CLCA4: variants seen among roughly 807,000 people sequenced by gnomAD.
CLCA4 encodes the protein chloride channel accessory 4.
In CLCA4, 69 loss-of-function variants were observed where a neutral mutation model predicts 78.9. The observed-to-expected ratio is 0.87, with a 90% confidence interval of 0.72 to 1.07. The LOEUF (loss-of-function observed/expected upper bound fraction) is 1.07. CLCA4 is among the 50% of genes least tolerant of loss of function. The pLI is 0.00. For missense variants in CLCA4, 1,133 were observed against 1,095.8 expected, an observed-to-expected ratio of 1.03 and a Z score of -0.48; for synonymous variants, 362 against 375.8, an observed-to-expected ratio of 0.96 and a Z score of 0.42.
chr1:86,577,397 AG>A (rs1650551356), intron 11 of CLCA4, among the ~76,000 whole-genome samples: 1 of 152,106 alleles, frequency 6.6e-6, no homozygotes, highest in Non-Finnish European at 1.5e-5. Flanking sequence ...ACCTTTCCCT[AG>A]GAAGTCTGGG....
intron 1 of CLCA4, among the ~76,000 whole-genome samples, chr1:86,551,756 A>C (rs1346645523): frequency 6.6e-6 from 1 of 152,236 alleles, no homozygotes. Context: ...CTGAAGACCA[A>C]CTGGTGCCCG....
At chr1:86,549,057 G>A (rs963436026) in intron 1 of CLCA4, among the ~76,000 whole-genome samples, 1 of 152,152 alleles carries the variant, frequency 6.6e-6, no homozygotes, top group Non-Finnish European at 1.5e-5. Flanking sequence ...TCTTTTCAGA[G>A]ATATAGTTAA....
At chr1:86,572,780 G>C in intron 9 of CLCA4, 60 bp downstream of exon 9, 1 of 981,902 alleles carries the variant, frequency 1.0e-6, no homozygotes, top group Non-Finnish European at 1.7e-6. Context: ...AAAACCATTT[G>C]GTGGTTATAA....
At chr1:86,554,986 G>C (rs921852623) in intron 1 of CLCA4, among the ~76,000 whole-genome samples, 3 of 150,326 alleles carry the variant, frequency 2.0e-5, no homozygotes, top group African/African-American at 7.4e-5. Flanking sequence ...TCACTTGCTT[G>C]TTGGCCACAT....
At chr1:86,553,512 C>T (rs886501114) in intron 1 of CLCA4, among the ~76,000 whole-genome samples, 14 of 152,156 alleles carry the variant, frequency 9.2e-5, no homozygotes, top group Admixed American at 4.6e-4. Context: ...TCTGCTCAGC[C>T]GACGCCACCG....
At chr1:86,570,901 C>T (rs1179135921) in intron 7 of CLCA4, among the ~76,000 whole-genome samples, 176 bp from the exon 8 acceptor site, 1 of 152,082 alleles carries the variant, frequency 6.6e-6, no homozygotes, top group Non-Finnish European at 1.5e-5. Context: ...TAAAAAAATT[C>T]ATGTTTAACT....
chr1:86,578,026 G>A lies in CLCA4; in HGVS notation c.2076G>A (p.Arg692=). 1 of 1,612,736 alleles carries A rather than the reference G, an allele frequency of 6.2e-7. No homozygotes were observed. The highest frequency in any genetic ancestry group is 8.5e-7 in the Non-Finnish European group (1 of 1,179,324). Residue 692 remains arginine, a synonymous_variant, in exon 12 of 14, where the codon CGG becomes CGA. Coordinates refer to ENST00000370563, the MANE Select transcript of CLCA4 (RefSeq NM_012128.4). The part of the protein sequence containing the change: ...GGANTARLKL[R]PPLNRAAYIP... ...CAAACACTGCCAGGCTAAAATTACGGCCTCCACTGAATAGAGCCGCGTACA... is the reference window on the plus strand; with the variant it reads ...CAAACACTGCCAGGCTAAAATTACGACCTCCACTGAATAGAGCCGCGTACA...
chr1:86,567,689 T>C (rs1183523318), intron 7 of CLCA4, 38 bp downstream of exon 7: 1 of 1,533,194 alleles, frequency 6.5e-7, no homozygotes. Flanking sequence ...GGTTTTTGTT[T>C]CTTTTCAGGA....
In CLCA4 at chr1:86,575,394, A is replaced by G. The variant is rs1650479792; in HGVS notation, c.1746A>G (p.Val582=). 2 of 1,613,218 alleles carry G rather than the reference A, an allele frequency of 1.2e-6. No homozygotes were observed. The highest frequency in any genetic ancestry group is 3.3e-5 in the Admixed American group (2 of 59,920). The change falls in exon 11 of 14, where the codon GTA becomes GTG. Residue 582 remains valine (V), a synonymous_variant. Transcript: ENST00000370563. Reference sequence around the variant, plus strand: ...ACCCAGAAACATTAACTATTACAGTAACTTCTCGAGCAGCAAATTCTTCTG... The same window carrying G: ...ACCCAGAAACATTAACTATTACAGTGACTTCTCGAGCAGCAAATTCTTCTG... ...KANPETLTIT[V]TSRAANSSVP... is the part of the protein sequence containing the mutation.
chr1:86,563,117 A>T (rs928887251), intron 3 of CLCA4, among the ~76,000 whole-genome samples: 2 of 151,834 alleles, frequency 1.3e-5, no homozygotes, highest in East Asian at 3.9e-4. Context: ...TCCTCCATTT[A>T]TTGTGAAATT....
In CLCA4 at chr1:86,575,430, C is replaced by G. The variant is rs1350291026; in HGVS notation, c.1782C>G (p.Ile594Met). Residue 594 changes from isoleucine (I) to methionine (M), a missense_variant, in exon 11 of 14, where the codon ATC (isoleucine) becomes ATG (methionine). Transcript: ENST00000370563. ...SRAANSSVPPITVNAKMNKDV... is the reference protein window; with the variant it reads ...SRAANSSVPPMTVNAKMNKDV... ...CAGCAAATTCTTCTGTGCCTCCAAT[C>G]ACAGTGAATGCTAAAATGAATAAGG... is the stretch of plus-strand genomic sequence containing the variant. 7 of 1,613,482 alleles carry G rather than the reference C, an allele frequency of 4.3e-6. No homozygotes were observed. Among genetic ancestry groups the G allele is most frequent in the Non-Finnish European group, 5.9e-6 (7 of 1,179,594 alleles).
intron 1 of CLCA4, among the ~76,000 whole-genome samples, chr1:86,548,916 C>T (rs1046557360): frequency 2.0e-5 from 3 of 152,128 alleles, no homozygotes; most frequent in East Asian, 3.9e-4. Flanking sequence ...GGCTCCCTGA[C>T]ACTGAGTTTC....
chr1:86,567,632 G>C lies in CLCA4; in HGVS notation c.1163G>C (p.Gly388Ala). 1 of 1,610,580 alleles carries C rather than the reference G, an allele frequency of 6.2e-7. No homozygotes were observed. Among genetic ancestry groups the C allele is most frequent in the Non-Finnish European group, 8.5e-7 (1 of 1,178,226 alleles). Residue 388 changes from glycine (G) to alanine (A), a missense_variant, in exon 7 of 14, where the codon GGA becomes GCA. Coordinates refer to ENST00000370563, the MANE Select transcript of CLCA4 (RefSeq NM_012128.4). ...CTGGGAGGAACTTCCATCTGCTCTG[G>C]AATTAAATATGCATTTCAGGTGAAA... The part of the protein sequence containing the change: ...YPLGGTSICS[G>A]IKYAFQVIGE...
Position 86,579,935 on chromosome 1 carries a change from T to C in CLCA4, c.2357-7T>C, listed in dbSNP as rs773500139. 6.5e-7 allele frequency: 1 copy of C among 1,536,510 alleles called. No individual in the cohort carries two copies. The highest frequency in any genetic ancestry group is 2.1e-5 in the Admixed American group (1 of 47,828). On this transcript the variant is annotated splice_region_variant and splice_polypyrimidine_tract_variant and intron_variant, in intron 13 of 13. Coordinates refer to ENST00000370563, the MANE Select transcript of CLCA4 (RefSeq NM_012128.4). ...TCTCTAAACTACATGTAACTTTTTT[T>C]TCTCAGTTCAACGTTATATCATAAG...
At position 86,567,473 on chromosome 1, in the gene CLCA4, T is replaced by A. The variant is rs1305156758; in HGVS notation, c.1004T>A (p.Leu335Gln). 25 of 1,613,238 alleles carry A rather than the reference T, an allele frequency of 1.5e-5. 1 individual carries two copies. The highest frequency in any genetic ancestry group is 2.0e-5 in the Non-Finnish European group (24 of 1,179,454). The change falls in exon 7 of 14, where the codon CTG becomes CAG. Residue 335 changes from leucine to glutamine, a missense_variant. Coordinates refer to ENST00000370563, the MANE Select transcript of CLCA4 (RefSeq NM_012128.4). ...RMNQAAKHFL[L>Q]QTVENGSWVG... ...AATCAAGCAGCAAAACATTTCCTGCTGCAGACTGTTGAAAATGGATCCTGG... is the reference window on the plus strand; with the variant it reads ...AATCAAGCAGCAAAACATTTCCTGCAGCAGACTGTTGAAAATGGATCCTGG...
In CLCA4 at chr1:86,562,853, T is replaced by TAAA. The variant is rs10579344; in HGVS notation, c.449-792_449-790dup. Among the ~76,000 whole-genome samples the TAAA allele has an allele frequency of 3.2e-3, 426 of 133,204 alleles. 2 individuals carry two copies. Among genetic ancestry groups the TAAA allele is most frequent in the African/African-American group, 0.011 (395 of 36,072 alleles). The allele number at this position is 133,204 out of a possible 152,430, so 87.4% of individuals were successfully genotyped here. On this transcript the variant is annotated intron_variant, in intron 3 of 13. Coordinates refer to ENST00000370563, the MANE Select transcript of CLCA4 (RefSeq NM_012128.4). Reference sequence around the variant, plus strand: ...CAGGCGACAGTGCGAGACTCCATCTTAAAAAAAAAAAAAAAAAAGAAGAAG... The same window carrying TAAA: ...CAGGCGACAGTGCGAGACTCCATCTTAAAAAAAAAAAAAAAAAAAAAGAAGAAG...
At chr1:86,577,416 T>C (rs950497256) in intron 11 of CLCA4, among the ~76,000 whole-genome samples, 1 of 152,118 alleles carries the variant, frequency 6.6e-6, no homozygotes, top group African/African-American at 2.4e-5. Context: ...GGGAAATGTG[T>C]ACCTCTAAAA....
At position 86,567,821 on chromosome 1, in the gene CLCA4, T is replaced by G. The variant is rs561928652; in HGVS notation, c.1182+170T>G. On this transcript the variant is annotated intron_variant, in intron 7 of 13. Transcript: ENST00000370563. ...TTCTCTTGATGTTTTAATGGATCAG[T>G]GAATCAATGAACAACCCATGGGTGA... Among the ~76,000 whole-genome samples, 67 of 152,130 alleles carry G rather than the reference T, an allele frequency of 4.4e-4. 1 individual carries two copies. The South Asian group carries it at 0.013, about 29-fold the overall frequency.
chr1:86,572,038 T>C (rs1650364114), intron 8 of CLCA4, among the ~76,000 whole-genome samples: 6 of 152,046 alleles, frequency 3.9e-5, no homozygotes, highest in Admixed American at 3.9e-4. Context: ...CTATTCCAAG[T>C]AGCTCCTTAA....
Sources: gnomAD v4.1 joint callset for allele counts (sites outside exome capture counted in the v4.1 genomes callset) on GRCh38, gnomAD v4.1.1 for gene constraint, MANE v1.5 for transcripts, NCBI Gene and HGNC (gene_info 2026-07-23, HGNC 2026-07-21) for gene names.